Variants in SNTB1 observed in about 807,000 individuals in gnomAD.
The protein encoded by SNTB1 is beta-1-syntrophin.
In SNTB1, 36 loss-of-function variants were observed where a neutral mutation model predicts 48.9. The observed-to-expected ratio is 0.74, with a 90% CI of 0.56 to 0.97. SNTB1 has a LOEUF of 0.97. Among genes scored for constraint, SNTB1 ranks in the 50% least tolerant of loss-of-function variants. SNTB1 has a pLI of 0.00. For missense variants in SNTB1, 786 were observed against 703.4 expected (o/e 1.12, Z -1.33); for synonymous variants, 299 against 294.6 (o/e 1.01, Z -0.15).
chr8:120,743,310 T>A (rs1357587276), intron 1 of SNTB1, among the ~76,000 whole-genome samples: 2 of 152,172 alleles, frequency 1.3e-5, no homozygotes, highest in Non-Finnish European at 2.9e-5. Flanking sequence ...TCATTTGGGG[T>A]CAGGAAATTG....
chr8:120,665,515 C>A (rs547714733), intron 2 of SNTB1, among the ~76,000 whole-genome samples: 8 of 152,206 alleles, frequency 5.3e-5, no homozygotes, highest in African/African-American at 1.4e-4. Flanking sequence ...ACACACTTAG[C>A]AAATATGTTC....
intron 1 of SNTB1, among the ~76,000 whole-genome samples, chr8:120,733,075 T>A (rs529486570): frequency 6.6e-6 from 1 of 152,250 alleles, no homozygotes; most frequent in African/African-American, 2.4e-5. Flanking sequence ...TAGAGGAAAC[T>A]AATTTCATTC....
chr8:120,782,382 C>A (rs954686792), intron 1 of SNTB1, among the ~76,000 whole-genome samples: 11 of 151,956 alleles, frequency 7.2e-5, no homozygotes, highest in African/African-American at 2.7e-4. Flanking sequence ...TGAAGCCTTC[C>A]CTCGAACATT....
chr8:120,653,761 C>A (rs1038940653), intron 2 of SNTB1, among the ~76,000 whole-genome samples: 1 of 151,920 alleles, frequency 6.6e-6, no homozygotes, highest in East Asian at 1.9e-4. Context: ...TTCTTAGGGC[C>A]GGGTGCTGTG....
At chr8:120,644,430 G>C (rs548837618) in intron 2 of SNTB1, among the ~76,000 whole-genome samples, 1,571 of 150,460 alleles carry the variant, frequency 0.01, 28 homozygotes, top group African/African-American at 0.036. Context: ...TTTTGTTCTT[G>C]CGATAGTTTA....
At chr8:120,788,203 A>G (rs1251011389) in intron 1 of SNTB1, among the ~76,000 whole-genome samples, 1 of 152,176 alleles carries the variant, frequency 6.6e-6, no homozygotes, top group East Asian at 1.9e-4. Context: ...ATTCTAGACC[A>G]GCCCTACAAG....
At position 120,811,554 on chromosome 8, in the gene SNTB1, T is replaced by A. The variant is rs752224340; in HGVS notation, c.290A>T (p.Asp97Val). The part of the protein sequence containing the change: ...SPAGVRTAFT[D>V]LPEQVPESIS... ...GGACTCGGGCACCTGCTCGGGCAGG[T>A]CGGTGAAAGCGGTGCGGACCCCGGC... The change falls in exon 1 of 7, where the codon GAC (aspartate) becomes GTC (valine). Residue 97 changes from aspartate (D) to valine (V), a missense_variant. By Grantham distance (152) the Asp-to-Val change is radical. Coordinates refer to ENST00000517992, the MANE Select transcript of SNTB1 (RefSeq NM_021021.4). 1.9e-6 allele frequency: 3 copies of A among 1,597,476 alleles called. No individual in the cohort carries two copies. Among genetic ancestry groups the A allele is most frequent in the Non-Finnish European group, 2.6e-6 (3 of 1,172,214 alleles).
At chr8:120,666,734 T>G (rs1817678313) in intron 2 of SNTB1, among the ~76,000 whole-genome samples, 1 of 152,180 alleles carries the variant, frequency 6.6e-6, no homozygotes, top group Non-Finnish European at 1.5e-5. Flanking sequence ...TTAGGCTGCT[T>G]GAATTTGTAG....
intron 1 of SNTB1, among the ~76,000 whole-genome samples, chr8:120,807,992 G>A (rs1484817739): frequency 6.6e-6 from 1 of 151,954 alleles, no homozygotes; most frequent in Non-Finnish European, 1.5e-5. Flanking sequence ...TCAGCTCACT[G>A]CCACCTACAC....
At chr8:120,617,125 C>T (rs1816726670) in intron 3 of SNTB1, among the ~76,000 whole-genome samples, 1 of 152,162 alleles carries the variant, frequency 6.6e-6, no homozygotes, top group Non-Finnish European at 1.5e-5. Context: ...AGCTCATTAG[C>T]TATCGTTAGT....
intron 3 of SNTB1, among the ~76,000 whole-genome samples, chr8:120,616,260 G>A (rs893400555): frequency 1.3e-5 from 2 of 151,160 alleles, no homozygotes; most frequent in South Asian, 2.1e-4. Context: ...TTTTAGATTC[G>A]ACTACTTGAC....
At chr8:120,596,811 T>C (rs1301090910) in intron 3 of SNTB1, among the ~76,000 whole-genome samples, 1 of 152,216 alleles carries the variant, frequency 6.6e-6, no homozygotes, top group Non-Finnish European at 1.5e-5. Flanking sequence ...AAGCGTCTTT[T>C]CTTTTAAGGG....
chr8:120,720,438 G>T (rs1818639200), intron 1 of SNTB1, among the ~76,000 whole-genome samples: 1 of 152,194 alleles, frequency 6.6e-6, no homozygotes, highest in Non-Finnish European at 1.5e-5. Flanking sequence ...GTATGCCTCA[G>T]ATCTGCCTAC....
At chr8:120,642,523 G>A (rs1156600797) in intron 2 of SNTB1, among the ~76,000 whole-genome samples, 1 of 152,194 alleles carries the variant, frequency 6.6e-6, no homozygotes, top group Non-Finnish European at 1.5e-5. Context: ...TGAGCCTATT[G>A]ATAGTTGTCC....
intron 1 of SNTB1, among the ~76,000 whole-genome samples, chr8:120,702,710 T>C (rs796820491): frequency 8.5e-5 from 13 of 152,352 alleles, no homozygotes; most frequent in African/African-American, 3.1e-4. Context: ...TTATATGCAA[T>C]TGTTTGCATA....
chr8:120,539,141 C>G (rs1400437889), intron 6 of SNTB1, among the ~76,000 whole-genome samples, 172 bp from the exon 7 acceptor site: 1 of 152,198 alleles, frequency 6.6e-6, no homozygotes, highest in Non-Finnish European at 1.5e-5. Context: ...ACTCTTTGAA[C>G]TTATTCCTTA....
At position 120,674,601 on chromosome 8, in the gene SNTB1, A is replaced by G. The variant is rs1349254274; in HGVS notation, c.788+19091T>C. Among the ~76,000 whole-genome samples the G allele has an allele frequency of 2.6e-5, 4 of 152,220 alleles. No individual in the cohort carries two copies. The South Asian group carries it at 6.2e-4, about 24-fold the overall frequency. The stretch of plus-strand genomic sequence containing the variant: ...TAGTGATGGGGCAAGGACGTCTTCA[A>G]TGCGGTTTGTTTTTTTTCCTTACAT... On this transcript the variant is annotated intron_variant, in intron 2 of 6. Coordinates refer to ENST00000517992, the MANE Select transcript of SNTB1 (RefSeq NM_021021.4).
chr8:120,680,462 A>G (rs1817913004), intron 2 of SNTB1, among the ~76,000 whole-genome samples: 1 of 152,230 alleles, frequency 6.6e-6, no homozygotes, highest in Non-Finnish European at 1.5e-5. Flanking sequence ...CAAAGGGAGT[A>G]TCAGCCAATA....
chr8:120,768,838 C>G lies in SNTB1; in HGVS notation c.571+42435G>C, dbSNP rs138617825. The G allele has an allele frequency of 2.1e-3, 316 of 152,140 alleles. 1 individual carries two copies. The highest frequency in any genetic ancestry group is 7.3e-3 in the African/African-American group (304 of 41,484). The allele number at this position is 152,140 out of a possible 1,614,324, so 9.4% of individuals were successfully genotyped here. A position where few individuals can be genotyped will look rare whatever the true frequency, so the allele number is the denominator to read the frequency against. On this transcript the variant is annotated intron_variant, in intron 1 of 6. Transcript: ENST00000517992. ...AAGAAAATGCCTGATGCATCCCTGC[C>G]CTCCTCACATTTTTAGAAGAGACAG...
Sources: allele counts gnomAD v4.1 joint callset (sites outside exome capture counted in the v4.1 genomes callset), GRCh38; gene constraint gnomAD v4.1.1; transcripts MANE v1.5; gene names NCBI Gene and HGNC (gene_info 2026-07-23, HGNC 2026-07-21).